The following HSD17B12 variants were observed in gnomAD, a reference collection of about 807,000 sequenced individuals.
HSD17B12 encodes the protein hydroxysteroid 17-beta dehydrogenase 12, also known as very-long-chain 3-oxoacyl-CoA reductase.
A neutral mutation model predicts 39.3 loss-of-function variants in HSD17B12; 32 were observed. The observed-to-expected ratio is 0.81, with a 90% CI of 0.61 to 1.09. HSD17B12 has a LOEUF of 1.09. HSD17B12 is among the 50% of genes least tolerant of loss of function. HSD17B12 has a pLI of 0.00. For missense variants in HSD17B12, 342 were observed against 382.9 expected, an observed-to-expected ratio of 0.89 and a Z score of 0.89; for synonymous variants, 150 against 146.7, an observed-to-expected ratio of 1.02 and a Z score of -0.16.
At chr11:43,573,228 G>C in the HSD17B12 span, among the ~76,000 whole-genome samples, 2 of 152,154 alleles carry the variant, frequency 1.3e-5, no homozygotes, top group Non-Finnish European at 2.9e-5. Flanking sequence ...GCTCAGACAG[G>C]AATTGGGCAC....
intron 3 of HSD17B12, among the ~76,000 whole-genome samples, chr11:43,781,233 C>T (rs1590294697): frequency 1.3e-5 from 2 of 152,176 alleles, no homozygotes; most frequent in East Asian, 3.9e-4. Flanking sequence ...GATCTGTGCC[C>T]TTAACGCTAT....
At chr11:43,690,742 A>T (rs916799077) in intron 1 of HSD17B12, among the ~76,000 whole-genome samples, 10 of 152,024 alleles carry the variant, frequency 6.6e-5, no homozygotes, top group Non-Finnish European at 1.3e-4. Flanking sequence ...CTACTTTTGA[A>T]TCCCAGCTCA....
At chr11:43,725,990 G>C (rs1950217049) in intron 1 of HSD17B12, among the ~76,000 whole-genome samples, 1 of 152,080 alleles carries the variant, frequency 6.6e-6, no homozygotes, top group Non-Finnish European at 1.5e-5. Context: ...TAAAGTAAAA[G>C]ATTTCATGTT....
At position 43,851,798 on chromosome 11, in the gene HSD17B12, G is replaced by A. The variant is rs143699878; in HGVS notation, c.685-2917G>A. On this transcript the variant is annotated intron_variant, in intron 9 of 10. Transcript: ENST00000278353. ...TCATGGAGCTTGTGTTCTAGAAATGGATACTGCCCAGTGATTGGATTCAGT... is the reference window on the plus strand; with the variant it reads ...TCATGGAGCTTGTGTTCTAGAAATGAATACTGCCCAGTGATTGGATTCAGT... 2.0e-3 allele frequency among the ~76,000 whole-genome samples: 305 copies of A among 152,236 alleles called. 1 individual carries two copies. Among genetic ancestry groups the A allele is most frequent in the Non-Finnish European group, 2.0e-3 (139 of 68,010 alleles).
intron 1 of HSD17B12, among the ~76,000 whole-genome samples, chr11:43,734,750 G>A (rs912005281): frequency 2.0e-5 from 3 of 152,134 alleles, no homozygotes; most frequent in Non-Finnish European, 4.4e-5. Flanking sequence ...GGGGGGGCAG[G>A]GTTAAAAGAA....
At chr11:43,611,812 A>G in the HSD17B12 span, among the ~76,000 whole-genome samples, 2 of 152,328 alleles carry the variant, frequency 1.3e-5, no homozygotes, top group Admixed American at 6.5e-5. Context: ...GATTCTGACA[A>G]CAACCATGCA....
chr11:43,690,404 A>ATATATTTT lies in HSD17B12; in HGVS notation c.160+9418_160+9419insATATTTTT, dbSNP rs1554959942. On this transcript the variant is annotated intron_variant, in intron 1 of 10. Transcript: ENST00000278353. ...TATATATATATATATATATATATAT[A>ATATATTTT]TTTTTTTTTTTTTTTTTCTGAGACA... is the stretch of plus-strand genomic sequence containing the variant. Among the ~76,000 whole-genome samples, 13 of 24,954 alleles carry ATATATTTT rather than the reference A, an allele frequency of 5.2e-4. 1 individual carries two copies. Among genetic ancestry groups the ATATATTTT allele is most frequent in the Non-Finnish European group, 6.2e-4 (9 of 14,564 alleles). The allele number at this position is 24,954 out of a possible 152,430, so 16.4% of individuals were successfully genotyped here. A position where few individuals can be genotyped will look rare whatever the true frequency, so the allele number is the denominator to read the frequency against.
the HSD17B12 span, among the ~76,000 whole-genome samples, chr11:43,560,015 C>T: frequency 3.6e-4 from 55 of 152,110 alleles, no homozygotes; most frequent in Non-Finnish European, 6.6e-4. Flanking sequence ...TCTCTAGAAT[C>T]GTCATGGTGG....
the HSD17B12 span, among the ~76,000 whole-genome samples, chr11:43,636,143 C>T: frequency 9.3e-3 from 1,415 of 152,282 alleles, 22 homozygotes; most frequent in African/African-American, 0.033. Flanking sequence ...CTCTGAATGC[C>T]TATTTATTTT....
At chr11:43,731,971 G>T (rs1407006941) in intron 1 of HSD17B12, among the ~76,000 whole-genome samples, 1 of 152,066 alleles carries the variant, frequency 6.6e-6, no homozygotes, top group Non-Finnish European at 1.5e-5. Flanking sequence ...CTGTAGACTG[G>T]CCAGAACCAC....
intron 9 of HSD17B12, chr11:43,853,017 G>A (rs1409651842): frequency 6.6e-6 from 1 of 152,012 alleles, no homozygotes; most frequent in African/African-American, 2.4e-5. Flanking sequence ...TTCGGAGTGG[G>A]AAAAATGCAA....
intron 6 of HSD17B12, among the ~76,000 whole-genome samples, chr11:43,822,999 C>T (rs1951197725): frequency 6.6e-6 from 1 of 152,082 alleles, no homozygotes. Context: ...TTTCTTTTTA[C>T]TCTTTTTAAG....
chr11:43,770,751 C>G (rs183346304), intron 3 of HSD17B12, among the ~76,000 whole-genome samples: 19 of 152,152 alleles, frequency 1.2e-4, no homozygotes, highest in Admixed American at 2.0e-4. Context: ...AAAAGAAAAA[C>G]AAGTTTGCAG....
chr11:43,606,632 C>G, the HSD17B12 span, among the ~76,000 whole-genome samples: 5 of 152,216 alleles, frequency 3.3e-5, no homozygotes, highest in East Asian at 9.6e-4. Flanking sequence ...AATGAAGAAT[C>G]AGGAGACAGG....
chr11:43,650,887 G>A, the HSD17B12 span, among the ~76,000 whole-genome samples: 9 of 152,190 alleles, frequency 5.9e-5, no homozygotes, highest in Non-Finnish European at 1.0e-4. Context: ...ATTCTGAGTC[G>A]TGTGATGAAA....
At chr11:43,580,311 G>A in the HSD17B12 span, among the ~76,000 whole-genome samples, 1 of 148,064 alleles carries the variant, frequency 6.8e-6, no homozygotes, top group Non-Finnish European at 1.5e-5. Context: ...TGTGGGGTCA[G>A]GCAGTCAATG....
intron 3 of HSD17B12, among the ~76,000 whole-genome samples, chr11:43,775,745 C>A (rs960611674): frequency 5.3e-5 from 8 of 150,742 alleles, no homozygotes; most frequent in Non-Finnish European, 1.0e-4. Context: ...TCTCCCAATG[C>A]TATCCCTCCC....
chr11:43,655,350 A>G, the HSD17B12 span, among the ~76,000 whole-genome samples: 3 of 152,222 alleles, frequency 2.0e-5, no homozygotes, highest in Admixed American at 1.3e-4. Context: ...GTCATCTGCA[A>G]ACAGGGACAA....
chr11:43,581,177 C>A, the HSD17B12 span, among the ~76,000 whole-genome samples: 1 of 152,026 alleles, frequency 6.6e-6, no homozygotes, highest in South Asian at 2.1e-4. This position sits in a 1 kb window ranked among gnomAD's most constrained non-coding sequence, Gnocchi z 4.9. Context: ...GTCCCCTTCT[C>A]GCCCTCCACA....
Sources: allele counts gnomAD v4.1 joint callset (sites outside exome capture counted in the v4.1 genomes callset), GRCh38; gene constraint gnomAD v4.1.1; non-coding constraint Gnocchi (gnomAD v3.1); transcripts MANE v1.5; gene names NCBI Gene and HGNC (gene_info 2026-07-23, HGNC 2026-07-21).